The following FLRT2 variants were observed in gnomAD, a reference collection of about 807,000 sequenced individuals.
The protein encoded by FLRT2 is fibronectin leucine rich transmembrane protein 2.
FLRT2 carries 15 observed loss-of-function variants against 40.0 expected under a neutral mutation model. That is an observed-to-expected ratio of 0.38 (90% CI 0.25 to 0.58). The LOEUF (loss-of-function observed/expected upper bound fraction) is 0.58. Ranked by LOEUF, FLRT2 falls within the 20% of genes least tolerant of loss-of-function variation. FLRT2 has a pLI of 0.71. For synonymous variants in FLRT2, 380 were observed against 336.8 expected, an observed-to-expected ratio of 1.13 and a Z score of -1.41; for missense variants, 726 against 840.0, an observed-to-expected ratio of 0.86 and a Z score of 1.68.
intron 1 of FLRT2, among the ~76,000 whole-genome samples, chr14:85,580,591 CA>C (rs1258802599): frequency 6.6e-6 from 1 of 152,080 alleles, no homozygotes; most frequent in Non-Finnish European, 1.5e-5. Context: ...GTTTAATGTT[CA>C]AAGAGAAGAA....
chr14:85,579,816 G>A (rs182303377), intron 1 of FLRT2, among the ~76,000 whole-genome samples: 4 of 151,566 alleles, frequency 2.6e-5, no homozygotes, highest in African/African-American at 9.7e-5. Context: ...TGACAGGGCT[G>A]TCTTTAAAAG....
intron 1 of FLRT2, among the ~76,000 whole-genome samples, chr14:85,568,085 T>C (rs1211794511): frequency 1.3e-5 from 2 of 152,030 alleles, no homozygotes; most frequent in Non-Finnish European, 2.9e-5. Context: ...AAATTAGCTG[T>C]TTTTGTTCTG....
At chr14:85,597,533 G>A (rs1270248398) in intron 1 of FLRT2, among the ~76,000 whole-genome samples, 3 of 152,108 alleles carry the variant, frequency 2.0e-5, no homozygotes, top group Non-Finnish European at 2.9e-5. Context: ...CTTGATACTG[G>A]AAGTAACAAG....
At chr14:85,566,549 T>TTGTGTGTGTGTGTGTGTG (rs61634735) in intron 1 of FLRT2, among the ~76,000 whole-genome samples, 3,445 of 130,856 alleles carry the variant, frequency 0.026, 54 homozygotes, top group African/African-American at 0.035. Context: ...ACTTCCATGG[T>TTGTGTGTGTGTGTGTGTG]TGTGTGTGTG....
intron 1 of FLRT2, among the ~76,000 whole-genome samples, chr14:85,597,711 C>A (rs1391500638): frequency 2.0e-5 from 3 of 152,206 alleles, no homozygotes; most frequent in Admixed American, 6.5e-5. Context: ...CATATGCCAC[C>A]TTGCCCCGCT....
intron 1 of FLRT2, among the ~76,000 whole-genome samples, chr14:85,535,738 G>C (rs148847476): frequency 1.3e-4 from 20 of 152,172 alleles, no homozygotes; most frequent in African/African-American, 4.8e-4. Context: ...CTGTCATGTT[G>C]AGTTGCAAAT....
chr14:85,551,145 T>G (rs973115213), intron 1 of FLRT2, among the ~76,000 whole-genome samples: 10 of 152,244 alleles, frequency 6.6e-5, no homozygotes, highest in African/African-American at 2.4e-4. Context: ...AGCTAGTAGC[T>G]TAGAAGTGAT....
At chr14:85,597,854 C>T (rs1320666060) in intron 1 of FLRT2, among the ~76,000 whole-genome samples, 3 of 152,216 alleles carry the variant, frequency 2.0e-5, no homozygotes, top group Non-Finnish European at 4.4e-5. Context: ...AAACGTGTGG[C>T]TTCAAATTGT....
At chr14:85,596,687 C>A (rs1048649474) in intron 1 of FLRT2, among the ~76,000 whole-genome samples, 1 of 152,112 alleles carries the variant, frequency 6.6e-6, no homozygotes, top group Non-Finnish European at 1.5e-5. Flanking sequence ...ACTCTCTTAG[C>A]CTATCATGAT....
At chr14:85,607,475 G>A (rs561481131) in intron 1 of FLRT2, among the ~76,000 whole-genome samples, 2 of 152,322 alleles carry the variant, frequency 1.3e-5, no homozygotes, top group South Asian at 2.1e-4. Flanking sequence ...TCATTGAACA[G>A]AAAAGTAGGG....
intron 1 of FLRT2, among the ~76,000 whole-genome samples, chr14:85,587,751 CA>C (rs1891689533): frequency 6.6e-6 from 1 of 152,168 alleles, no homozygotes; most frequent in Admixed American, 6.5e-5. Context: ...GCTCGTATTT[CA>C]AAGATGATAT....
rs963557886 is a variant in FLRT2, at chr14:85,573,174, G to A, written c.-377+42640G>A. On this transcript the variant is annotated intron_variant, in intron 1 of 1. Transcript: ENST00000330753. Reference sequence around the variant, plus strand: ...ATGTAAATAGAGGGATGGGTGGCAAGTTATTTTAAAAAGCTGATATATCAC... The same window carrying A: ...ATGTAAATAGAGGGATGGGTGGCAAATTATTTTAAAAAGCTGATATATCAC... Among the ~76,000 whole-genome samples the A allele has an allele frequency of 2.0e-5, 3 of 152,012 alleles. No homozygotes were observed. In the East Asian group the frequency reaches 5.8e-4, roughly 29 times the overall value.
rs1893951589 is a variant in FLRT2 at position 85,634,340 on chromosome 14, T to A, written c.*10843T>A. The A allele has an allele frequency of 1.3e-5, 2 of 152,336 alleles. No homozygotes were observed. Among genetic ancestry groups the A allele is most frequent in the East Asian group, 3.9e-4 (2 of 5,182 alleles). 9.4% of individuals were successfully genotyped at this position (152,336 alleles called of 1,614,324 possible). A position where few individuals can be genotyped will look rare whatever the true frequency, so the allele number is the denominator to read the frequency against. ...TGGCATTCCTGTGGTCTGCTGCCAATCTCTATTCTGTTTGGACTAGTGTCT... is the reference window on the plus strand; with the variant it reads ...TGGCATTCCTGTGGTCTGCTGCCAAACTCTATTCTGTTTGGACTAGTGTCT... On this transcript the variant is annotated 3_prime_UTR_variant, in exon 2 of 2. Transcript: ENST00000330753.
chr14:85,532,649 G>C (rs957754705), intron 1 of FLRT2, among the ~76,000 whole-genome samples: 1 of 152,140 alleles, frequency 6.6e-6, no homozygotes, highest in East Asian at 1.9e-4. Context: ...GAAAGTGGGG[G>C]TGTTTAAATT....
chr14:85,578,587 G>A (rs927489798), intron 1 of FLRT2, among the ~76,000 whole-genome samples: 26 of 152,148 alleles, frequency 1.7e-4, no homozygotes, highest in African/African-American at 4.8e-4. Flanking sequence ...TCAGGACAAA[G>A]CTTTCAACCC....
chr14:85,613,609 G>A (rs2747008), intron 1 of FLRT2, among the ~76,000 whole-genome samples: 124,749 of 152,126 alleles, frequency 0.82, 51,204 homozygotes, highest in East Asian at 0.88. Flanking sequence ...TTCAAACAAA[G>A]TAATCATCTG....
At chr14:85,538,790 A>G (rs769067334) in intron 1 of FLRT2, among the ~76,000 whole-genome samples, 1 of 152,170 alleles carries the variant, frequency 6.6e-6, no homozygotes, top group Non-Finnish European at 1.5e-5. Flanking sequence ...AACAGAGGTC[A>G]TATGGCTGAA....
At chr14:85,592,766 G>A (rs1891950475) in intron 1 of FLRT2, among the ~76,000 whole-genome samples, 1 of 134,732 alleles carries the variant, frequency 7.4e-6, no homozygotes, top group Admixed American at 8.0e-5. Flanking sequence ...TCCAGCCTGG[G>A]TGACAGGAGC....
rs772705935 is a variant in FLRT2, at chr14:85,623,454, A to T, written c.1940A>T (p.Tyr647Phe). The change falls in exon 2 of 2, where the codon TAC becomes TTC. Residue 647 changes from tyrosine to phenylalanine, a missense_variant. By Grantham distance (22) the Tyr-to-Phe change is conservative (BLOSUM62 3). Transcript: ENST00000330753. ...TDCHIPNNMR[Y>F]CNSSVPDLEH... ...TGCCATATCCCCAACAACATGCGAT[A>T]CTGCAACAGCAGCGTGCCAGACCTG... The T allele has an allele frequency of 2.0e-6, 3 of 1,470,032 alleles. No homozygotes were observed. The East Asian group carries it at 7.2e-5, about 35-fold the overall frequency. The allele number at this position is 1,470,032 out of a possible 1,614,324, so 91.1% of individuals were successfully genotyped here.
Sources: allele counts gnomAD v4.1 joint callset (sites outside exome capture counted in the v4.1 genomes callset), GRCh38; gene constraint gnomAD v4.1.1; transcripts MANE v1.5; gene names NCBI Gene and HGNC (gene_info 2026-07-23, HGNC 2026-07-21).